Variants in JAZF1 observed in about 807,000 individuals in gnomAD.
JAZF1 encodes JAZF zinc finger 1, also known as juxtaposed with another zinc finger protein 1.
Under a neutral mutation model 26.4 loss-of-function variants are expected in JAZF1, and 8 were observed. The ratio of observed to expected loss-of-function variants is 0.30; its 90% CI spans 0.18 to 0.55. The LOEUF is 0.55. Among genes scored for constraint, JAZF1 ranks in the 20% least tolerant of loss-of-function variants. The probability of loss-of-function intolerance (pLI) is 0.94; values close to 1 mark genes in which losing one functional copy is unlikely to be tolerated. For synonymous variants in JAZF1, 126 were observed against 122.3 expected, an observed-to-expected ratio of 1.03 and a Z score of -0.20; for missense variants, 199 against 322.0, an observed-to-expected ratio of 0.62 and a Z score of 2.92.
intron 2 of JAZF1, among the ~76,000 whole-genome samples, chr7:27,904,370 G>A (rs781415963): frequency 2.6e-5 from 4 of 152,192 alleles, no homozygotes; most frequent in Non-Finnish European, 5.9e-5. Flanking sequence ...AGCTAAAGGC[G>A]TATTTGGTTA....
intron 1 of JAZF1, among the ~76,000 whole-genome samples, chr7:28,075,121 C>A (rs1784030843): frequency 6.6e-6 from 1 of 152,178 alleles, no homozygotes; most frequent in Non-Finnish European, 1.5e-5. Context: ...ACACTCACTG[C>A]AAATTTATGA....
At chr7:27,992,359 A>G (rs1785924143) in intron 1 of JAZF1, 2 of 356,670 alleles carry the variant, frequency 5.6e-6, no homozygotes, top group Non-Finnish European at 1.1e-5. Flanking sequence ...GGAACAAATT[A>G]GTTTCCATTG....
At chr7:27,857,374 G>T (rs1366728264) in intron 3 of JAZF1, among the ~76,000 whole-genome samples, 3 of 152,316 alleles carry the variant, frequency 2.0e-5, no homozygotes, top group Non-Finnish European at 4.4e-5. Flanking sequence ...CACAGCCCCG[G>T]TTCCCACCTG....
chr7:27,977,654 A>G (rs182005589), intron 2 of JAZF1, among the ~76,000 whole-genome samples: 104 of 152,260 alleles, frequency 6.8e-4, no homozygotes, highest in African/African-American at 2.2e-3. Flanking sequence ...CTCATGGAGG[A>G]TCCTGATATA....
intron 1 of JAZF1, among the ~76,000 whole-genome samples, chr7:28,093,205 C>T (rs1784330589): frequency 6.6e-6 from 1 of 152,146 alleles, no homozygotes. Context: ...CCATAATTCC[C>T]ACATGTTGTG....
chr7:27,957,956 T>C (rs1448832751), intron 2 of JAZF1, among the ~76,000 whole-genome samples: 1 of 152,008 alleles, frequency 6.6e-6, no homozygotes, highest in African/African-American at 2.4e-5. Flanking sequence ...CCTTGGTAAG[T>C]GAAACAAGAA....
chr7:28,155,695 A>G (rs1783171631), intron 1 of JAZF1, among the ~76,000 whole-genome samples: 1 of 152,230 alleles, frequency 6.6e-6, no homozygotes, highest in Non-Finnish European at 1.5e-5. Context: ...ATTCAGAATT[A>G]TCATACAAGA....
At chr7:28,089,103 C>A (rs1000402710) in intron 1 of JAZF1, among the ~76,000 whole-genome samples, 1 of 152,156 alleles carries the variant, frequency 6.6e-6, no homozygotes, top group South Asian at 2.1e-4. Context: ...AATAATAAAA[C>A]AGAAACAGAA....
intron 4 of JAZF1, among the ~76,000 whole-genome samples, chr7:27,839,480 C>A (rs1782881007): frequency 6.6e-6 from 1 of 152,172 alleles, no homozygotes; most frequent in Non-Finnish European, 1.5e-5. Flanking sequence ...CCCAAGGTAA[C>A]CCCTGAGCAG....
chr7:28,076,336 G>T, intron 1 of JAZF1, among the ~76,000 whole-genome samples: 1 of 152,182 alleles, frequency 6.6e-6, no homozygotes, highest in African/African-American at 2.4e-5. Context: ...TTTGAAGGGA[G>T]CATGAACAGA....
At chr7:28,069,658 G>A (rs988863052) in intron 1 of JAZF1, among the ~76,000 whole-genome samples, 2 of 152,106 alleles carry the variant, frequency 1.3e-5, no homozygotes, top group African/African-American at 4.8e-5. Flanking sequence ...CATACATAAT[G>A]ACCTAAGGGG....
intron 1 of JAZF1, among the ~76,000 whole-genome samples, chr7:28,159,119 G>A (rs142046143): frequency 6.6e-6 from 1 of 152,010 alleles, no homozygotes; most frequent in African/African-American, 2.4e-5. Context: ...AAGACATAAC[G>A]GGGTAATGCA....
chr7:27,940,921 G>T (rs1028048804), intron 2 of JAZF1, among the ~76,000 whole-genome samples: 2 of 152,166 alleles, frequency 1.3e-5, no homozygotes, highest in Non-Finnish European at 2.9e-5. Context: ...TCTTGGCCTG[G>T]TAATATAGTG....
At chr7:27,865,645 G>A (rs1314001188) in intron 3 of JAZF1, among the ~76,000 whole-genome samples, 3 of 152,046 alleles carry the variant, frequency 2.0e-5, no homozygotes, top group East Asian at 3.9e-4. Flanking sequence ...GGCGACCATC[G>A]ACAAGATGTT....
intron 3 of JAZF1, among the ~76,000 whole-genome samples, chr7:27,877,155 G>A (rs1484473775): frequency 9.6e-6 from 1 of 104,494 alleles, no homozygotes; most frequent in Non-Finnish European, 2.3e-5. Context: ...ATTTTCTTCC[G>A]TCAAAGCAAG....
rs536871294 is a variant in JAZF1 at position 27,849,016 on chromosome 7, A to G, written c.386-8149T>C. Reference sequence around the variant, plus strand: ...GTCTCCCCAACTGATCAGAGGGGAAAGCTGGGGTGTGGGAGGGTAAGGGAT... The same window carrying G: ...GTCTCCCCAACTGATCAGAGGGGAAGGCTGGGGTGTGGGAGGGTAAGGGAT... On this transcript the variant is annotated intron_variant, in intron 3 of 4. Coordinates refer to ENST00000283928, the MANE Select transcript of JAZF1 (RefSeq NM_175061.4). Among the ~76,000 whole-genome samples the G allele has an allele frequency of 6.6e-5, 10 of 152,310 alleles. No individual in the cohort carries two copies. In the South Asian group the frequency reaches 1.9e-3, roughly 28 times the overall value.
intron 1 of JAZF1, among the ~76,000 whole-genome samples, chr7:28,147,724 A>ACAC (rs544328257): frequency 6.8e-6 from 1 of 148,022 alleles, no homozygotes; most frequent in Non-Finnish European, 1.5e-5. Context: ...ATATACACAC[A>ACAC]AAAAAAAATT....
At chr7:27,958,668 G>T (rs1310386230) in intron 2 of JAZF1, among the ~76,000 whole-genome samples, 2 of 152,196 alleles carry the variant, frequency 1.3e-5, no homozygotes, top group African/African-American at 4.8e-5. Flanking sequence ...CAGGGGTCCA[G>T]TTCTGTGTGA....
Position 27,873,903 on chromosome 7 carries a change from G to A in JAZF1, c.385+21317C>T, listed in dbSNP as rs928863550. ...AGAAGGTAGACTGAGACACTCTGAT[G>A]CAATTATTATATGGACTAAAAACAT... On this transcript the variant is annotated intron_variant, in intron 3 of 4. Coordinates refer to ENST00000283928, the MANE Select transcript of JAZF1 (RefSeq NM_175061.4). Among the ~76,000 whole-genome samples the A allele has an allele frequency of 2.3e-4, 35 of 152,164 alleles. 1 individual carries two copies. The highest frequency in any genetic ancestry group is 7.7e-4 in the African/African-American group (32 of 41,420).
Sources: allele counts gnomAD v4.1 joint callset (sites outside exome capture counted in the v4.1 genomes callset), GRCh38; gene constraint gnomAD v4.1.1; transcripts MANE v1.5; gene names NCBI Gene and HGNC (gene_info 2026-07-23, HGNC 2026-07-21).